BRWD1: variants seen among roughly 807,000 people sequenced by gnomAD.
BRWD1 encodes the protein bromodomain and WD repeat-containing protein 1.
Under a neutral mutation model 251.2 loss-of-function variants are expected in BRWD1, and 82 were observed. The ratio of observed to expected loss-of-function variants is 0.33; its 90% CI spans 0.27 to 0.39. BRWD1 has a LOEUF of 0.39. BRWD1 is among the 10% of genes least tolerant of loss of function. The probability of loss-of-function intolerance (pLI) is 1.00; values close to 1 mark genes in which losing one functional copy is unlikely to be tolerated. For missense variants in BRWD1, 2,233 were observed against 2,711.6 expected, an observed-to-expected ratio of 0.82 and a Z score of 3.92; for synonymous variants, 918 against 902.8, an observed-to-expected ratio of 1.02 and a Z score of -0.30.
At position 39,274,578 on chromosome 21, in the gene BRWD1, C is replaced by G. The variant is rs2035221383; in HGVS notation, c.1146-106G>C. On this transcript the variant is annotated intron_variant, in intron 12 of 40. Transcript: ENST00000342449. ...GAATGTAATGAAGCTGTCCTAACAACAGGACAATCCACAGGTGTTAATTCA... is the reference window on the plus strand; with the variant it reads ...GAATGTAATGAAGCTGTCCTAACAAGAGGACAATCCACAGGTGTTAATTCA... 10 of 871,680 alleles carry G rather than the reference C, an allele frequency of 1.1e-5. No individual in the cohort carries two copies. The East Asian group carries it at 2.3e-4, about 20-fold the overall frequency. 54.0% of individuals were successfully genotyped at this position (871,680 alleles called of 1,614,324 possible). A position where few individuals can be genotyped will look rare whatever the true frequency, so the allele number is the denominator to read the frequency against.
Position 39,274,416 on chromosome 21 carries a change from T to C in BRWD1, c.1202A>G (p.Glu401Gly), listed in dbSNP as rs747069676. ...TARIWRFEQL[E>G]WRSILLDMAT... The stretch of plus-strand genomic sequence containing the variant: ...CATATCCAATAAAATGCTCCTCCAT[T>C]CTAACTGCTCAAATCTCCAAATCCG... The change falls in exon 13 of 41, where the codon GAA becomes GGA. Residue 401 changes from glutamate (E) to glycine (G), a missense_variant. By Grantham distance (98) the Glu-to-Gly change is moderately conservative. Coordinates refer to ENST00000342449, the MANE Select transcript of BRWD1 (RefSeq NM_033656.4). 8.1e-6 allele frequency: 13 copies of C among 1,614,002 alleles called. No homozygotes were observed. The South Asian group carries it at 1.2e-4, about 15-fold the overall frequency.
intron 9 of BRWD1, among the ~76,000 whole-genome samples, chr21:39,279,832 T>C (rs1274885680): frequency 6.6e-6 from 1 of 152,126 alleles, no homozygotes; most frequent in African/African-American, 2.4e-5. Context: ...AGGTATACAA[T>C]ACAGGTCTTA....
intron 4 of BRWD1, among the ~76,000 whole-genome samples, chr21:39,301,035 C>T (rs917815839): frequency 6.6e-6 from 1 of 152,036 alleles, no homozygotes; most frequent in African/African-American, 2.4e-5. Context: ...AAAAATTAGC[C>T]AGGCGTGGTG....
intron 8 of BRWD1, among the ~76,000 whole-genome samples, chr21:39,288,466 T>C (rs1044490994): frequency 9.2e-5 from 14 of 152,222 alleles, no homozygotes; most frequent in Admixed American, 8.5e-4. Flanking sequence ...ATTAATCAGT[T>C]TGAAATATTC....
Position 39,198,727 on chromosome 21 carries a change from G to A in BRWD1, c.5653+36C>T, listed in dbSNP as rs774159482. 5 of 1,508,772 alleles carry A rather than the reference G, an allele frequency of 3.3e-6. No homozygotes were observed. In the South Asian group the frequency reaches 6.6e-5, roughly 20 times the overall value. 93.5% of individuals were successfully genotyped at this position (1,508,772 alleles called of 1,614,324 possible). On this transcript the variant is annotated intron_variant, in intron 40 of 40. Coordinates refer to ENST00000342449, the MANE Select transcript of BRWD1 (RefSeq NM_033656.4). ...TGTGTAAGAGAAAAGGATGGTGAGA[G>A]TCAATCAGTGAACAAAGATAAATGT...
intron 37 of BRWD1, among the ~76,000 whole-genome samples, chr21:39,205,522 A>G (rs999179864): frequency 1.3e-5 from 2 of 152,164 alleles, no homozygotes; most frequent in African/African-American, 4.8e-5. Context: ...CTGCAATCCT[A>G]GCACTTTAGG....
At chr21:39,251,735 TTATG>T (rs1254228263) in intron 19 of BRWD1, among the ~76,000 whole-genome samples, 1 of 152,172 alleles carries the variant, frequency 6.6e-6, no homozygotes, top group East Asian at 1.9e-4. Context: ...TTTCACTGCT[TTATG>T]TGTGTTTAAG....
At chr21:39,290,728 ACCTAG>A (rs1490844213) in intron 8 of BRWD1, among the ~76,000 whole-genome samples, 2 of 152,236 alleles carry the variant, frequency 1.3e-5, no homozygotes, top group East Asian at 1.9e-4. Context: ...TAACTGTGAA[ACCTAG>A]CAAGAATTTG....
intron 4 of BRWD1, among the ~76,000 whole-genome samples, chr21:39,309,832 A>G: frequency 6.6e-6 from 1 of 151,460 alleles, no homozygotes. Flanking sequence ...CTCAAAAAAA[A>G]AAAAAAAAAA....
Position 39,189,106 on chromosome 21 carries a change from C to T in BRWD1, c.*7153G>A. 2.0e-6 allele frequency: 2 copies of T among 983,650 alleles called. No individual in the cohort carries two copies. Among genetic ancestry groups the T allele is most frequent in the Non-Finnish European group, 2.4e-6 (2 of 828,366 alleles). The allele number at this position is 983,650 out of a possible 1,614,324, so 60.9% of individuals were successfully genotyped here. A position where few individuals can be genotyped will look rare whatever the true frequency, so the allele number is the denominator to read the frequency against. ...AAAATGAATCTTTAACACATTAAAT[C>T]AATGTTAGCAAATGCTAAAATGTAA... On this transcript the variant is annotated 3_prime_UTR_variant, in exon 41 of 41. Coordinates refer to ENST00000342449, the MANE Select transcript of BRWD1 (RefSeq NM_033656.4).
downstream of BRWD1, chr21:39,185,455 G>C (rs2031179740): frequency 1.3e-5 from 2 of 151,844 alleles, no homozygotes; most frequent in Non-Finnish European, 2.9e-5. Context: ...CATTTCATTA[G>C]AGCTCAAAAA....
At chr21:39,287,900 C>T (rs1207304988) in intron 8 of BRWD1, among the ~76,000 whole-genome samples, 1 of 152,174 alleles carries the variant, frequency 6.6e-6, no homozygotes, top group East Asian at 1.9e-4. Context: ...GAATTATATA[C>T]TGCTATGAAA....
rs775813683 is a variant in BRWD1, at chr21:39,278,757, G to C, written c.989C>G (p.Ser330Cys). The C allele has an allele frequency of 3.8e-6, 6 of 1,587,010 alleles. No homozygotes were observed. Among genetic ancestry groups the C allele is most frequent in the South Asian group, 1.2e-5 (1 of 84,858 alleles). The change falls in exon 10 of 41, where the codon TCT becomes TGT. Residue 330 changes from serine (S) to cysteine (C), a missense_variant. Around this residue, in one of 12 missense-constraint regions of BRWD1, gnomAD observed 315 missense variants for 421.8 expected, o/e 0.75. Coordinates refer to ENST00000342449, the MANE Select transcript of BRWD1 (RefSeq NM_033656.4). ...KPRPGVQMLCSSFSVGGMFLA... is the reference protein window; with the variant it reads ...KPRPGVQMLCCSFSVGGMFLA... ...GAAGTTCTTACCAACACTAAAAGAA[G>C]AACAAAGCATTTGAACGCCTGGCCT...
At chr21:39,228,374 C>T (rs2033468776) in intron 27 of BRWD1, 126 bp downstream of exon 27, 1 of 652,860 alleles carries the variant, frequency 1.5e-6, no homozygotes, top group Admixed American at 2.8e-5. Context: ...TTATAGGTCA[C>T]TTATATCTCT....
intron 4 of BRWD1, among the ~76,000 whole-genome samples, chr21:39,308,823 T>A (rs1248393848): frequency 1.3e-5 from 2 of 152,168 alleles, no homozygotes; most frequent in African/African-American, 4.8e-5. Context: ...AATGATTTGG[T>A]CTCCAGTAAA....
rs371341134 is a variant in BRWD1, at chr21:39,255,637, A to T, written c.2255+8T>A. 106 of 1,611,202 alleles carry T rather than the reference A, an allele frequency of 6.6e-5. No individual in the cohort carries two copies. In the Admixed American group the frequency reaches 1.3e-3, roughly 20 times the overall value. On this transcript the variant is annotated splice_region_variant and intron_variant, in intron 19 of 40. Coordinates refer to ENST00000342449, the MANE Select transcript of BRWD1 (RefSeq NM_033656.4). ...AGAAACATTATAAATAGATATCCTA[A>T]AACAAACCTAAATATGCCTAGTGGT...
At chr21:39,267,455 C>T (rs551301131) in intron 15 of BRWD1, among the ~76,000 whole-genome samples, 6 of 152,122 alleles carry the variant, frequency 3.9e-5, no homozygotes, top group African/African-American at 1.2e-4. Context: ...TAAAATTAGC[C>T]GGGCGTGGTG....
rs781102535 is a variant in BRWD1 at position 39,193,071 on chromosome 21, G to C, written c.*3188C>G. The C allele has an allele frequency of 6.7e-5, 66 of 985,026 alleles. No homozygotes were observed. The highest frequency in any genetic ancestry group is 7.8e-5 in the Non-Finnish European group (65 of 829,724). The allele number at this position is 985,026 out of a possible 1,614,324, so 61.0% of individuals were successfully genotyped here. A position where few individuals can be genotyped will look rare whatever the true frequency, so the allele number is the denominator to read the frequency against. On this transcript the variant is annotated 3_prime_UTR_variant, in exon 41 of 41. Transcript: ENST00000342449. ...TTACTTTTGGACAGTAACACCCTCA[G>C]ATGGTATTTTTATTGGTTTGTTTTA... is the stretch of plus-strand genomic sequence containing the variant.
intron 5 of BRWD1, chr21:39,296,852 G>A: frequency 1.0e-6 from 1 of 977,486 alleles, no homozygotes; most frequent in Non-Finnish European, 1.2e-6. Context: ...TCTTACAACT[G>A]ATCCAACTTT....
Sources: allele counts gnomAD v4.1 joint callset (sites outside exome capture counted in the v4.1 genomes callset), GRCh38; gene constraint gnomAD v4.1.1; regional missense constraint gnomAD v4.1.1; transcripts MANE v1.5; gene names NCBI Gene and HGNC (gene_info 2026-07-23, HGNC 2026-07-21).